ZPLD1: variants seen among roughly 807,000 people sequenced by gnomAD.
ZPLD1 encodes zona pellucida like domain containing 1, also known as zona pellucida-like domain-containing protein 1.
ZPLD1 carries 34 observed loss-of-function variants against 47.2 expected under a neutral mutation model. The ratio of observed to expected loss-of-function variants is 0.72; its 90% CI spans 0.55 to 0.96. ZPLD1 has a LOEUF of 0.96. ZPLD1 is among the 40% of genes least tolerant of loss of function. The pLI, the probability that ZPLD1 is intolerant of heterozygous loss-of-function variation, is 0.00. For synonymous variants in ZPLD1, 176 were observed against 186.2 expected, an observed-to-expected ratio of 0.95 and a Z score of 0.45; for missense variants, 512 against 505.8, an observed-to-expected ratio of 1.01 and a Z score of -0.12.
At chr3:102,434,815 A>G (rs1576144619), upstream of ZPLD1, among the ~76,000 whole-genome samples, 1 of 152,246 alleles carries the variant, frequency 6.6e-6, no homozygotes, top group Non-Finnish European at 1.5e-5. Context: ...TTCTCTGTCA[A>G]GAGTTTGCTG....
At chr3:102,437,063 A>C (rs1707102216) in intron 2 of ZPLD1, 90 bp downstream of exon 2, 2 of 549,516 alleles carry the variant, frequency 3.6e-6, no homozygotes, top group South Asian at 1.6e-4. Flanking sequence ...GTCTTATTCT[A>C]GTTGAAGTAT....
chr3:102,394,001 A>G (rs550625795), intron 7 of ZPLD1, among the ~76,000 whole-genome samples: 75 of 152,318 alleles, frequency 4.9e-4, no homozygotes, highest in Non-Finnish European at 1.0e-3. Context: ...ATGTAATGAC[A>G]TAAAGAAGCA....
At position 102,477,031 on chromosome 3, in the gene ZPLD1, T is replaced by C. The variant is rs1192510184; in HGVS notation, c.1062T>C (p.Asn354=). ...CCTCAGATGAGACTCCAACCAACAA[T>C]TCGCAACTTGGTAAGATAATTAACA... is the stretch of plus-strand genomic sequence containing the variant. ...ITRSDETPTN[N]SQLGSPSMPP... is the part of the protein sequence containing the mutation. The change falls in exon 11 of 12, where the codon AAT becomes AAC. Residue 354 remains asparagine, a synonymous_variant. Coordinates refer to ENST00000466937, the MANE Select transcript of ZPLD1 (RefSeq NM_001329788.2). 3.7e-6 allele frequency: 6 copies of C among 1,613,528 alleles called. No individual in the cohort carries two copies. Among genetic ancestry groups the C allele is most frequent in the Non-Finnish European group, 5.1e-6 (6 of 1,179,678 alleles).
chr3:102,414,396 C>T (rs751657982), intron 7 of ZPLD1, among the ~76,000 whole-genome samples: 24 of 151,830 alleles, frequency 1.6e-4, no homozygotes, highest in Non-Finnish European at 3.2e-4. Flanking sequence ...ACCACAATTT[C>T]AGTGCTTTTA....
chr3:102,456,599 T>C (rs1707421515), intron 5 of ZPLD1, among the ~76,000 whole-genome samples: 1 of 129,680 alleles, frequency 7.7e-6, no homozygotes, highest in Non-Finnish European at 1.7e-5. Flanking sequence ...CTATCTCTAA[T>C]TGTTATGATC....
chr3:102,404,646 A>G (rs531952086), intron 7 of ZPLD1, among the ~76,000 whole-genome samples: 30 of 152,106 alleles, frequency 2.0e-4, no homozygotes, highest in African/African-American at 7.0e-4. Context: ...ACAAAACTCA[A>G]TTGATCTAGT....
chr3:102,475,296 TTGG>T (rs1707741752), intron 10 of ZPLD1, among the ~76,000 whole-genome samples: 1 of 152,060 alleles, frequency 6.6e-6, no homozygotes, highest in African/African-American at 2.4e-5. Context: ...TATGGAAGTG[TTGG>T]TGGTAATACG....
intron 7 of ZPLD1, among the ~76,000 whole-genome samples, chr3:102,399,497 CTCA>C (rs1282349018): frequency 6.6e-6 from 1 of 151,974 alleles, no homozygotes; most frequent in Admixed American, 6.6e-5. Flanking sequence ...ATGATTCCTT[CTCA>C]TCATGTAGAT....
In ZPLD1 at chr3:102,452,994, C is replaced by A. The variant is rs1260956101; in HGVS notation, c.182C>A (p.Ser61Ter). 1.2e-6 allele frequency: 2 copies of A among 1,614,066 alleles called. No homozygotes were observed. Among genetic ancestry groups the A allele is most frequent in the African/African-American group, 1.3e-5 (1 of 75,022 alleles). The part of the protein sequence containing the change: ...MKINFCTVLF[S>*]GYSETDLALN... Reference sequence around the variant, plus strand: ...ATTAATTTTTGCACGGTACTTTTCTCGGGTTATTCGGAAACAGATCTGGCA... The same window carrying A: ...ATTAATTTTTGCACGGTACTTTTCTAGGGTTATTCGGAAACAGATCTGGCA... The change falls in exon 4 of 12, where the codon TCG becomes TAG. Residue 61 changes from serine to a stop codon, truncating the protein, a stop_gained. Coordinates refer to ENST00000466937, the MANE Select transcript of ZPLD1 (RefSeq NM_001329788.2). LOFTEE classifies it high-confidence loss of function.
chr3:102,432,215 G>T (rs1707024078), upstream of ZPLD1, among the ~76,000 whole-genome samples: 2 of 152,272 alleles, frequency 1.3e-5, no homozygotes, highest in South Asian at 4.1e-4. Context: ...CTGCAGAGCA[G>T]GTTTGAGTGA....
upstream of ZPLD1, among the ~76,000 whole-genome samples, chr3:102,431,777 C>T (rs1367353080): frequency 2.0e-5 from 3 of 152,086 alleles, no homozygotes; most frequent in Admixed American, 6.5e-5. Context: ...GACGTGGTGG[C>T]GGTTGCCTGT....
chr3:102,465,096 T>G (rs1284248184), intron 8 of ZPLD1, among the ~76,000 whole-genome samples: 1 of 152,312 alleles, frequency 6.6e-6, no homozygotes, highest in Non-Finnish European at 1.5e-5. Flanking sequence ...TTGAGCAACA[T>G]TTTTGGGAAA....
chr3:102,448,941 G>T (rs1707297244), intron 3 of ZPLD1, among the ~76,000 whole-genome samples: 2 of 152,222 alleles, frequency 1.3e-5, no homozygotes, highest in African/African-American at 4.8e-5. Context: ...CAAGCATAAA[G>T]TGAAGTTGTA....
intron 1 of ZPLD1, among the ~76,000 whole-genome samples, chr3:102,435,412 G>A (rs1707074204): frequency 6.6e-6 from 1 of 152,114 alleles, no homozygotes; most frequent in Non-Finnish European, 1.5e-5. Flanking sequence ...GATGTCACTA[G>A]CCCATGAGAC....
intron 10 of ZPLD1, among the ~76,000 whole-genome samples, chr3:102,476,416 G>A (rs1426167071): frequency 6.6e-6 from 1 of 152,064 alleles, no homozygotes; most frequent in Non-Finnish European, 1.5e-5. Flanking sequence ...AAAATCAACA[G>A]CTTCAATCTT....
intron 8 of ZPLD1, among the ~76,000 whole-genome samples, chr3:102,425,964 A>G (rs1405545320): frequency 4.0e-5 from 6 of 151,756 alleles, no homozygotes; most frequent in African/African-American, 1.2e-4. Context: ...TACAGATAGC[A>G]AGGGAGGTAA....
chr3:102,420,960 C>A (rs1706870609), intron 8 of ZPLD1, among the ~76,000 whole-genome samples: 1 of 151,760 alleles, frequency 6.6e-6, no homozygotes. Flanking sequence ...ATGCTAAATT[C>A]AAAAAGTATA....
rs1311640825 is a variant in ZPLD1 at position 102,436,916 on chromosome 3, G to A, written c.-66G>A. The A allele has an allele frequency of 1.0e-6, 1 of 985,328 alleles. No homozygotes were observed. The highest frequency in any genetic ancestry group is 1.2e-6 in the Non-Finnish European group (1 of 829,968). The allele number at this position is 985,328 out of a possible 1,614,324, so 61.0% of individuals were successfully genotyped here. Reference sequence around the variant, plus strand: ...GGTCTAGAGTTTCCAATGTCTTCCAGGAGTTCTTGGGACCCATCATGAGAA... The same window carrying A: ...GGTCTAGAGTTTCCAATGTCTTCCAAGAGTTCTTGGGACCCATCATGAGAA... On this transcript the variant is annotated 5_prime_UTR_variant, in exon 2 of 12. Transcript: ENST00000466937.
At chr3:102,472,259 C>T (rs758242214) in intron 10 of ZPLD1, among the ~76,000 whole-genome samples, 18 of 152,060 alleles carry the variant, frequency 1.2e-4, no homozygotes, top group South Asian at 2.1e-4. Flanking sequence ...TGGCTGGGCG[C>T]GGTGGCTCAC....
Sources: allele counts gnomAD v4.1 joint callset (sites outside exome capture counted in the v4.1 genomes callset), GRCh38; gene constraint gnomAD v4.1.1; transcripts MANE v1.5; gene names NCBI Gene and HGNC (gene_info 2026-07-23, HGNC 2026-07-21).